The following RBFOX3 variants were observed in gnomAD, a reference collection of about 807,000 sequenced individuals.
RBFOX3 encodes RNA binding fox-1 homolog 3.
Under a neutral mutation model 48.7 loss-of-function variants are expected in RBFOX3, and 17 were observed. The observed-to-expected ratio is 0.35, with a 90% CI of 0.24 to 0.52. The LOEUF (loss-of-function observed/expected upper bound fraction) is 0.52. RBFOX3 is among the 20% of genes least tolerant of loss of function. The pLI is 0.94. For synonymous variants in RBFOX3, 212 were observed against 209.5 expected, an observed-to-expected ratio of 1.01 and a Z score of -0.10; for missense variants, 382 against 497.5, an observed-to-expected ratio of 0.77 and a Z score of 2.21.
At position 79,300,968 on chromosome 17, in the gene RBFOX3, G is replaced by A. The variant is rs1048515173; in HGVS notation, c.-74+6756C>T. The stretch of plus-strand genomic sequence containing the variant: ...GGGAGGCATGGATGCCAGGGCTGAC[G>A]CAGGGCCCTGACTCCGGCCTTGACT... On this transcript the variant is annotated intron_variant, in intron 3 of 14. Coordinates refer to ENST00000693108, the MANE Select transcript of RBFOX3 (RefSeq NM_001350451.2). Among the ~76,000 whole-genome samples, 33 of 152,302 alleles carry A rather than the reference G, an allele frequency of 2.2e-4. 1 individual carries two copies. In the East Asian group the frequency reaches 5.2e-3, roughly 24 times the overall value.
intron 2 of RBFOX3, among the ~76,000 whole-genome samples, chr17:79,327,445 G>A (rs1289193388): frequency 6.6e-6 from 1 of 152,318 alleles, no homozygotes; most frequent in South Asian, 2.1e-4. Context: ...TGGGTCGGTG[G>A]CCTGAGCGAT....
At chr17:79,230,910 T>C (rs2060961250) in intron 4 of RBFOX3, among the ~76,000 whole-genome samples, 1 of 151,658 alleles carries the variant, frequency 6.6e-6, no homozygotes, top group South Asian at 2.1e-4. Context: ...CTGGTCAAGA[T>C]GGAGAAATGG....
intron 4 of RBFOX3, among the ~76,000 whole-genome samples, chr17:79,226,447 G>A (rs563419142): frequency 8.5e-5 from 13 of 152,332 alleles, no homozygotes; most frequent in Admixed American, 2.6e-4. Context: ...TGGTATTCAC[G>A]GGGAGGTGGG....
chr17:79,404,415 C>T (rs988982015), intron 2 of RBFOX3, among the ~76,000 whole-genome samples: 5 of 152,234 alleles, frequency 3.3e-5, no homozygotes, highest in East Asian at 1.9e-4. Context: ...TCCCAGCCCG[C>T]GGGCACCCCA....
At chr17:79,189,784 C>T (rs1399330994) in intron 4 of RBFOX3, among the ~76,000 whole-genome samples, 2 of 152,206 alleles carry the variant, frequency 1.3e-5, no homozygotes, top group African/African-American at 2.4e-5. Context: ...TGCCCTTGTG[C>T]CCAGACCATA....
At chr17:79,490,137 TG>T (rs1309971864) in intron 1 of RBFOX3, among the ~76,000 whole-genome samples, 1 of 152,218 alleles carries the variant, frequency 6.6e-6, no homozygotes, top group Non-Finnish European at 1.5e-5. Context: ...AAAAATAATT[TG>T]GGTTTTATTC....
intron 1 of RBFOX3, among the ~76,000 whole-genome samples, chr17:79,590,348 C>T (rs1248151034): frequency 6.6e-6 from 1 of 152,110 alleles, no homozygotes; most frequent in Non-Finnish European, 1.5e-5. Context: ...CTAGGAAGCC[C>T]ACAAAAGCAA....
At chr17:79,509,322 C>T (rs1391792486) in intron 1 of RBFOX3, among the ~76,000 whole-genome samples, 1 of 152,026 alleles carries the variant, frequency 6.6e-6, no homozygotes, top group African/African-American at 2.4e-5. Context: ...GCTACACAAA[C>T]GGACAAGAAG....
At position 79,362,219 on chromosome 17, in the gene RBFOX3, C is replaced by T. The variant is rs188177198; in HGVS notation, c.-174-54395G>A. Reference sequence around the variant, plus strand: ...CCGGGGTCTTTCAGCCTGAGGTGAGCGCCCCAGAGAGCTTCCCAGGTTCTC... The same window carrying T: ...CCGGGGTCTTTCAGCCTGAGGTGAGTGCCCCAGAGAGCTTCCCAGGTTCTC... On this transcript the variant is annotated intron_variant, in intron 2 of 14. Transcript: ENST00000693108. The surrounding 1 kb of genome is among the most constrained non-coding windows in gnomAD (Gnocchi z 4.2). Among the ~76,000 whole-genome samples the T allele has an allele frequency of 4.6e-5, 7 of 152,370 alleles. No homozygotes were observed. Among genetic ancestry groups the T allele is most frequent in the East Asian group, 1.9e-4 (1 of 5,188 alleles).
chr17:79,463,908 CA>C (rs2075961922), intron 2 of RBFOX3, among the ~76,000 whole-genome samples: 2 of 127,110 alleles, frequency 1.6e-5, no homozygotes, highest in African/African-American at 3.5e-5. Flanking sequence ...CCACTGCCAC[CA>C]CCACCACCAT....
intron 14 of RBFOX3, 36 bp from the exon 15 acceptor site, chr17:79,090,921 C>A (rs1489287647): frequency 5.3e-6 from 8 of 1,514,104 alleles, no homozygotes; most frequent in Middle Eastern, 1.7e-4. Context: ...CTTGCAGCTT[C>A]TCGGGGGAGG....
At chr17:79,208,001 T>C (rs111587650) in intron 4 of RBFOX3, among the ~76,000 whole-genome samples, 3 of 152,174 alleles carry the variant, frequency 2.0e-5, no homozygotes, top group African/African-American at 7.2e-5. Context: ...TCGGCTGGGC[T>C]GGGTGAAAGG....
intron 2 of RBFOX3, among the ~76,000 whole-genome samples, chr17:79,316,485 G>A (rs2145859895): frequency 6.6e-6 from 1 of 152,330 alleles, no homozygotes; most frequent in Middle Eastern, 3.4e-3. Flanking sequence ...CTGTTACTCA[G>A]GATGTGGGCA....
In RBFOX3 at chr17:79,286,963, G is replaced by A. The variant is rs143603386; in HGVS notation, c.-74+20761C>T. Among the ~76,000 whole-genome samples, 348 of 152,336 alleles carry A rather than the reference G, an allele frequency of 2.3e-3. 3 individuals carry two copies. Among genetic ancestry groups the A allele is most frequent in the African/African-American group, 8.1e-3 (338 of 41,564 alleles). On this transcript the variant is annotated intron_variant, in intron 3 of 14. Coordinates refer to ENST00000693108, the MANE Select transcript of RBFOX3 (RefSeq NM_001350451.2). ...CTATGTGCGTGTCAAGTGAGGTCCT[G>A]TGGCCAGAGACTCTGAGAAAGCAGC...
chr17:79,542,907 G>A (rs540477405), intron 1 of RBFOX3, among the ~76,000 whole-genome samples: 1 of 152,216 alleles, frequency 6.6e-6, no homozygotes, highest in South Asian at 2.1e-4. Context: ...TATCAGTCAC[G>A]TGTTTTACAT....
intron 2 of RBFOX3, among the ~76,000 whole-genome samples, chr17:79,437,356 G>A (rs1268117800): frequency 2.0e-5 from 3 of 152,232 alleles, no homozygotes; most frequent in Non-Finnish European, 1.5e-5. Context: ...TCCTCCTGGA[G>A]CTCCTCCAGA....
At position 79,307,767 on chromosome 17, in the gene RBFOX3, G is replaced by T. The variant is rs2076289863; in HGVS notation, c.-117C>A. ...CTCCAGGAGCAGGTTCCCAGCTGGA[G>T]GGGCTGCAGACCTGGGAAAATGGTG... On this transcript the variant is annotated 5_prime_UTR_variant, in exon 3 of 15. Transcript: ENST00000693108. 6.5e-6 allele frequency: 1 copy of T among 153,818 alleles called. No homozygotes were observed. The highest frequency in any genetic ancestry group is 2.1e-4 in the South Asian group (1 of 4,830). The allele number at this position is 153,818 out of a possible 1,614,324, so 9.5% of individuals were successfully genotyped here. A position where few individuals can be genotyped will look rare whatever the true frequency, so the allele number is the denominator to read the frequency against.
intron 3 of RBFOX3, among the ~76,000 whole-genome samples, chr17:79,285,934 C>A (rs369565986): frequency 3.9e-5 from 6 of 152,294 alleles, no homozygotes; most frequent in African/African-American, 1.4e-4. Flanking sequence ...CCACCTACCT[C>A]GGCCTCCCAA....
chr17:79,307,396 G>C (rs2076245850), intron 3 of RBFOX3, among the ~76,000 whole-genome samples: 1 of 152,262 alleles, frequency 6.6e-6, no homozygotes, highest in African/African-American at 2.4e-5. Context: ...TAAAAAGGCA[G>C]TGAGGGAATT....
Sources: allele counts gnomAD v4.1 joint callset (sites outside exome capture counted in the v4.1 genomes callset), GRCh38; gene constraint gnomAD v4.1.1; non-coding constraint Gnocchi (gnomAD v3.1); transcripts MANE v1.5; gene names NCBI Gene and HGNC (gene_info 2026-07-23, HGNC 2026-07-21).